EPG5: variants seen among roughly 807,000 people sequenced by gnomAD.
The protein encoded by EPG5 is ectopic P-granules 5 autophagy tethering factor.
EPG5 carries 159 observed loss-of-function variants against 302.7 expected under a neutral mutation model. The observed-to-expected ratio is 0.53, with a 90% CI of 0.46 to 0.60. The LOEUF is 0.60. Ranked by LOEUF, EPG5 falls within the 20% of genes least tolerant of loss-of-function variation. EPG5 has a pLI of 0.00. For missense variants in EPG5, 2,896 were observed against 3,092.4 expected, an observed-to-expected ratio of 0.94 and a Z score of 1.51; for synonymous variants, 1,158 against 1,136.8, an observed-to-expected ratio of 1.02 and a Z score of -0.37.
intron 31 of EPG5, among the ~76,000 whole-genome samples, chr18:45,882,010 C>G (rs1426292188): frequency 6.6e-6 from 1 of 152,204 alleles, no homozygotes; most frequent in Non-Finnish European, 1.5e-5. Flanking sequence ...CAAAGAAGTA[C>G]CTGCATGACT....
At chr18:45,835,718 G>A in the EPG5 span, among the ~76,000 whole-genome samples, 1 of 152,156 alleles carries the variant, frequency 6.6e-6, no homozygotes, top group African/African-American at 2.4e-5. Context: ...GGCAAGCTGG[G>A]CATGAAACAC....
intron 30 of EPG5, 45 bp from the exon 31 acceptor site, chr18:45,882,532 A>G: frequency 6.5e-7 from 1 of 1,531,336 alleles, no homozygotes; most frequent in Non-Finnish European, 8.9e-7. Flanking sequence ...TGCACTAGAA[A>G]AATAGTTTAA....
the EPG5 span, among the ~76,000 whole-genome samples, chr18:45,834,291 G>A: frequency 6.6e-6 from 1 of 152,192 alleles, no homozygotes; most frequent in African/African-American, 2.4e-5. Context: ...GTGACTGAGA[G>A]GCAGGTACCA....
At chr18:45,867,932 T>C in intron 36 of EPG5, 184 bp from the exon 37 acceptor site, 3 of 687,628 alleles carry the variant, frequency 4.4e-6, no homozygotes, top group Non-Finnish European at 7.9e-6. Context: ...CCACAGTGTA[T>C]GTGTGTATAT....
intron 16 of EPG5, among the ~76,000 whole-genome samples, chr18:45,918,898 A>C (rs575619165): frequency 6.6e-6 from 1 of 152,210 alleles, no homozygotes; most frequent in African/African-American, 2.4e-5. Flanking sequence ...CTTTTTCTCC[A>C]CTTTCCTAAT....
chr18:45,839,009 C>T, the EPG5 span: 2 of 1,591,740 alleles, frequency 1.3e-6, no homozygotes, highest in Non-Finnish European at 8.5e-7. Context: ...GGGGCCTCGA[C>T]GGTCGCCCTC....
chr18:45,966,821 G>C (rs978738816), intron 1 of EPG5, among the ~76,000 whole-genome samples: 1 of 152,158 alleles, frequency 6.6e-6, no homozygotes, highest in Non-Finnish European at 1.5e-5. Context: ...AATGTTCTAG[G>C]ATATAAAAGA....
At chr18:45,867,414 A>T in intron 37 of EPG5, 149 bp downstream of exon 37, 1 of 678,342 alleles carries the variant, frequency 1.5e-6, no homozygotes, top group South Asian at 1.9e-5. Context: ...CAAGAAAATC[A>T]GGCATCTGGT....
At chr18:45,957,203 A>G (rs147353575) in intron 1 of EPG5, among the ~76,000 whole-genome samples, 7 of 152,160 alleles carry the variant, frequency 4.6e-5, no homozygotes, top group African/African-American at 7.2e-5. Flanking sequence ...AAAAAAGATG[A>G]ATATTTTTGA....
chr18:45,857,814 C>T, intron 42 of EPG5, 39 bp downstream of exon 42: 1 of 1,555,236 alleles, frequency 6.4e-7, no homozygotes. Flanking sequence ...ATGTCTGAGG[C>T]CTATTTAGAA....
Position 45,852,280 on chromosome 18 carries a change from A to AACACAC in EPG5, c.*181_*186dup, listed in dbSNP as rs112643058. Reference sequence around the variant, plus strand: ...CCCAGAAGGTCTTAAGAGCTAAGAAAACACACACACACACACACACACACC... The same window carrying AACACAC: ...CCCAGAAGGTCTTAAGAGCTAAGAAAACACACACACACACACACACACACACACACC... On this transcript the variant is annotated 3_prime_UTR_variant, in exon 44 of 44. Coordinates refer to ENST00000282041, the MANE Select transcript of EPG5 (RefSeq NM_020964.3). 15,952 of 488,164 alleles carry AACACAC rather than the reference A, an allele frequency of 0.033. 512 individuals are homozygous for AACACAC. The highest frequency in any genetic ancestry group is 0.14 in the African/African-American group (6,961 of 48,996). 30.2% of individuals were successfully genotyped at this position (488,164 alleles called of 1,614,324 possible).
At position 45,858,589 on chromosome 18, in the gene EPG5, CT is replaced by C; in HGVS notation, c.7202del (p.Lys2401SerfsTer39). On this transcript the variant is annotated frameshift_variant, in exon 41 of 44. Coordinates refer to ENST00000282041, the MANE Select transcript of EPG5 (RefSeq NM_020964.3). LOFTEE classifies it high-confidence loss of function. ...NEMKVLLILS[K>X]WLEQVYPSSV... ...ACCTTGGGTACACCTGTTCCAGCCA[CT>C]TGCTTAAGATGAGCAGCACTTTCAT... The C allele has an allele frequency of 6.2e-7, 1 of 1,614,192 alleles. No homozygotes were observed. The highest frequency in any genetic ancestry group is 8.5e-7 in the Non-Finnish European group (1 of 1,180,020).
chr18:45,943,035 A>C (rs1036354399), intron 9 of EPG5, 126 bp downstream of exon 9: 2 of 919,084 alleles, frequency 2.2e-6, no homozygotes, highest in Non-Finnish European at 3.2e-6. Flanking sequence ...GAAGAAAAAA[A>C]TCTTAACTAT....
the EPG5 span, among the ~76,000 whole-genome samples, chr18:45,819,435 G>A: frequency 6.6e-6 from 1 of 152,150 alleles, no homozygotes; most frequent in African/African-American, 2.4e-5. Flanking sequence ...CTGAGAGGAG[G>A]AAAAAAGTTC....
rs569045512 is a variant in EPG5, at chr18:45,906,395, G to A, written c.4329+1563C>T. Among the ~76,000 whole-genome samples, 5 of 152,160 alleles carry A rather than the reference G, an allele frequency of 3.3e-5. No homozygotes were observed. In the South Asian group the frequency reaches 8.3e-4, roughly 25 times the overall value. ...TCATCTCTCTGGTTTCATCTGCCCCGCCTCAGGTGCTATGCCCTACCCTGC... is the reference window on the plus strand; with the variant it reads ...TCATCTCTCTGGTTTCATCTGCCCCACCTCAGGTGCTATGCCCTACCCTGC... On this transcript the variant is annotated intron_variant, in intron 24 of 43. Coordinates refer to ENST00000282041, the MANE Select transcript of EPG5 (RefSeq NM_020964.3).
Position 45,858,685 on chromosome 18 carries a change from C to G in EPG5, c.7107G>C (p.Leu2369Phe). 1 of 1,614,070 alleles carries G rather than the reference C, an allele frequency of 6.2e-7. No individual in the cohort carries two copies. Among genetic ancestry groups the G allele is most frequent in the Non-Finnish European group, 8.5e-7 (1 of 1,179,984 alleles). The change falls in exon 41 of 44, where the codon TTG (leucine) becomes TTC (phenylalanine). Residue 2369 changes from leucine (L) to phenylalanine (F), a missense_variant. Leu to Phe is a conservative substitution (Grantham distance 22). Coordinates refer to ENST00000282041, the MANE Select transcript of EPG5 (RefSeq NM_020964.3). ...MEEFLQECLT[L>F]GSYLTLYVYL... ...AGACGTAAAGAGTCAAGTAACTGCCCAAGGTGAGGCACTCCTGCAGGAACT... is the reference window on the plus strand; with the variant it reads ...AGACGTAAAGAGTCAAGTAACTGCCGAAGGTGAGGCACTCCTGCAGGAACT...
At chr18:45,899,304 G>A in intron 27 of EPG5, 100 bp downstream of exon 27, 1 of 1,352,084 alleles carries the variant, frequency 7.4e-7, no homozygotes, top group Non-Finnish European at 1.0e-6. Flanking sequence ...TTGGGACACA[G>A]ACAGTGTGCT....
At chr18:45,894,800 G>A (rs755468571) in intron 27 of EPG5, among the ~76,000 whole-genome samples, 2 of 152,188 alleles carry the variant, frequency 1.3e-5, no homozygotes, top group Admixed American at 6.5e-5. Context: ...TGAAGTGGGA[G>A]AGAGGATAAA....
the EPG5 span, among the ~76,000 whole-genome samples, chr18:45,817,107 A>G: frequency 1.3e-5 from 2 of 152,090 alleles, no homozygotes; most frequent in African/African-American, 4.8e-5. Context: ...AATTTTGGAG[A>G]CTCAGGGGGA....
Sources: gnomAD v4.1 joint callset for allele counts (sites outside exome capture counted in the v4.1 genomes callset) on GRCh38, gnomAD v4.1.1 for gene constraint, MANE v1.5 for transcripts, NCBI Gene and HGNC (gene_info 2026-07-23, HGNC 2026-07-21) for gene names.